The following GABBR2 variants were observed in gnomAD, a reference collection of about 807,000 sequenced individuals.
GABBR2 encodes gamma-aminobutyric acid type B receptor subunit 2.
Under a neutral mutation model 105.6 loss-of-function variants are expected in GABBR2, and 23 were observed. The ratio of observed to expected loss-of-function variants is 0.22; its 90% CI spans 0.16 to 0.31. The LOEUF (loss-of-function observed/expected upper bound fraction) is 0.31. Ranked by LOEUF, GABBR2 falls within the 10% of genes least tolerant of loss-of-function variation. The pLI, the probability that GABBR2 is intolerant of heterozygous loss-of-function variation, is 1.00. For synonymous variants in GABBR2, 478 were observed against 499.7 expected (o/e 0.96, Z 0.58); for missense variants, 734 against 1,245.5 (o/e 0.59, Z 6.18).
At chr9:98,519,532 G>A (rs1023495066) in intron 3 of GABBR2, among the ~76,000 whole-genome samples, 1 of 152,232 alleles carries the variant, frequency 6.6e-6, no homozygotes, top group African/African-American at 2.4e-5. Context: ...CTCCTTGCGG[G>A]CATGGGTGTA....
intron 1 of GABBR2, among the ~76,000 whole-genome samples, chr9:98,668,364 G>A (rs1830364241): frequency 6.6e-6 from 1 of 152,164 alleles, no homozygotes; most frequent in African/African-American, 2.4e-5. Context: ...GCGTCCAATG[G>A]TTATATCAGT....
In GABBR2 at chr9:98,290,504, C is replaced by A. The variant is rs1393673059; in HGVS notation, c.*80G>T. On this transcript the variant is annotated 3_prime_UTR_variant, in exon 19 of 19. Transcript: ENST00000259455. ...GTGCCCAGCTTCTCCGCAGCCAGAG[C>A]CGACAGTGTTTCTGCAGCAGACCCC... is the stretch of plus-strand genomic sequence containing the variant. The A allele has an allele frequency of 5.8e-6, 6 of 1,041,240 alleles. No individual in the cohort carries two copies. In the Admixed American group the frequency reaches 1.3e-4, roughly 22 times the overall value. The allele number at this position is 1,041,240 out of a possible 1,614,324, so 64.5% of individuals were successfully genotyped here.
intron 7 of GABBR2, 91 bp from the exon 8 acceptor site, chr9:98,406,232 G>C (rs1270405680): frequency 1.2e-5 from 8 of 664,936 alleles, no homozygotes; most frequent in Non-Finnish European, 1.8e-5. Context: ...TTCATTAACT[G>C]TACAATGCGA....
chr9:98,567,926 C>T (rs1177131522), intron 2 of GABBR2, among the ~76,000 whole-genome samples: 1 of 152,050 alleles, frequency 6.6e-6, no homozygotes, highest in Non-Finnish European at 1.5e-5. Flanking sequence ...TCAGGAGAGC[C>T]TGGGAGAGTA....
chr9:98,362,483 A>T, intron 13 of GABBR2: 2 of 274,774 alleles, frequency 7.3e-6, no homozygotes, highest in East Asian at 6.1e-5. Flanking sequence ...TATACTCTTA[A>T]AAAGCCCAAC....
At chr9:98,598,910 C>A (rs574855171) in intron 1 of GABBR2, among the ~76,000 whole-genome samples, 1 of 81,960 alleles carries the variant, frequency 1.2e-5, no homozygotes, top group South Asian at 3.3e-4. Context: ...GGTTTTCACT[C>A]TGTCTTTTAT....
Position 98,303,264 on chromosome 9 carries a change from G to C in GABBR2, c.2389C>G (p.Arg797Gly). Residue 797 changes from arginine to glycine, a missense_variant, in exon 16 of 19, where the codon CGC becomes GGC. This residue lies in a region of GABBR2 where 91 missense variants were observed against 185.9 expected (regional missense o/e 0.49). Coordinates refer to ENST00000259455, the MANE Select transcript of GABBR2 (RefSeq NM_005458.8). Reference sequence around the variant, plus strand: ...ACCTCTGTGATCTTCATTCGCAGGCGATGGTTTTCTGACTGTAGGCCCTCC... The same window carrying C: ...ACCTCTGTGATCTTCATTCGCAGGCCATGGTTTTCTGACTGTAGGCCCTCC... ...RLEGLQSENH[R>G]LRMKITELDK... 6.2e-7 allele frequency: 1 copy of C among 1,614,146 alleles called. No homozygotes were observed. Among genetic ancestry groups the C allele is most frequent in the Non-Finnish European group, 8.5e-7 (1 of 1,180,008 alleles).
chr9:98,521,220 T>C (rs1827859084), intron 3 of GABBR2, among the ~76,000 whole-genome samples: 2 of 151,960 alleles, frequency 1.3e-5, no homozygotes, highest in Non-Finnish European at 2.9e-5. Context: ...GCCATCAATA[T>C]GCCACCAACT....
intron 3 of GABBR2, among the ~76,000 whole-genome samples, chr9:98,513,340 G>C (rs1228793181): frequency 2.0e-5 from 3 of 152,130 alleles, no homozygotes; most frequent in Non-Finnish European, 2.9e-5. Context: ...CAGGACATAG[G>C]CATGGGCAAG....
intron 1 of GABBR2, among the ~76,000 whole-genome samples, chr9:98,655,194 T>G (rs1026760884): frequency 2.0e-5 from 3 of 152,092 alleles, no homozygotes; most frequent in African/African-American, 7.2e-5. Context: ...AGAATGTACA[T>G]CAAGAGTGAA....
At chr9:98,691,247 G>A (rs544953122) in intron 1 of GABBR2, among the ~76,000 whole-genome samples, 1 of 152,274 alleles carries the variant, frequency 6.6e-6, no homozygotes, top group East Asian at 1.9e-4. Flanking sequence ...TCCAGCTGGG[G>A]TGTTTGAGAA....
intron 7 of GABBR2, among the ~76,000 whole-genome samples, chr9:98,423,969 A>C (rs1832829391): frequency 6.6e-6 from 1 of 152,248 alleles, no homozygotes; most frequent in East Asian, 1.9e-4. Flanking sequence ...CTATATCTAT[A>C]TCTGATCTAT....
At chr9:98,431,708 GT>G (rs528201024) in intron 7 of GABBR2, among the ~76,000 whole-genome samples, 4 of 151,300 alleles carry the variant, frequency 2.6e-5, no homozygotes, top group African/African-American at 9.7e-5. Context: ...GTTTTGTTTT[GT>G]TTTTTTGATA....
intron 6 of GABBR2, among the ~76,000 whole-genome samples, chr9:98,463,729 G>T (rs553898987): frequency 6.6e-6 from 1 of 151,768 alleles, no homozygotes; most frequent in Non-Finnish European, 1.5e-5. Flanking sequence ...TCCCTGCCTC[G>T]GGCTCCGGTG....
chr9:98,358,741 G>A (rs560508681), intron 13 of GABBR2, among the ~76,000 whole-genome samples: 24 of 152,316 alleles, frequency 1.6e-4, no homozygotes, highest in South Asian at 2.1e-4. Context: ...TGGCAGGGGC[G>A]TCATGGAGTC....
intron 1 of GABBR2, among the ~76,000 whole-genome samples, chr9:98,651,337 T>C (rs1295158887): frequency 6.6e-6 from 1 of 151,974 alleles, no homozygotes; most frequent in Non-Finnish European, 1.5e-5. Flanking sequence ...AGAGACAGGG[T>C]TTCACCATGT....
chr9:98,403,753 A>AT (rs1324038808), intron 8 of GABBR2, among the ~76,000 whole-genome samples: 120 of 144,062 alleles, frequency 8.3e-4, no homozygotes, highest in Middle Eastern at 7.5e-3. Context: ...TGAGAAAAAA[A>AT]AAAATATATA....
At chr9:98,426,172 C>A (rs1825681795) in intron 7 of GABBR2, among the ~76,000 whole-genome samples, 1 of 152,296 alleles carries the variant, frequency 6.6e-6, no homozygotes, top group Admixed American at 6.5e-5. Context: ...AAGGTTTGAG[C>A]CAGGGCATCC....
At chr9:98,376,110 C>G (rs1831869019) in intron 11 of GABBR2, among the ~76,000 whole-genome samples, 1 of 152,156 alleles carries the variant, frequency 6.6e-6, no homozygotes, top group South Asian at 2.1e-4. Flanking sequence ...CAGGTAGTGC[C>G]CATCTCAGTC....
Sources: gnomAD v4.1 joint callset for allele counts (sites outside exome capture counted in the v4.1 genomes callset) on GRCh38, gnomAD v4.1.1 for gene constraint, gnomAD v4.1.1 regional missense constraint, MANE v1.5 for transcripts, NCBI Gene and HGNC (gene_info 2026-07-23, HGNC 2026-07-21) for gene names.